DMD: variants seen among roughly 807,000 people sequenced by gnomAD.
DMD encodes the protein dystrophin.
A neutral mutation model predicts 330.1 loss-of-function variants in DMD; 63 were observed. The ratio of observed to expected loss-of-function variants is 0.19; its 90% CI spans 0.16 to 0.24. DMD has a LOEUF of 0.24. Ranked by LOEUF, DMD falls within the 10% of genes least tolerant of loss-of-function variation. DMD has a pLI of 1.00. For synonymous variants in DMD, 1,223 were observed against 959.8 expected, an observed-to-expected ratio of 1.27 and a Z score of -5.07; for missense variants, 3,344 against 2,684.1, an observed-to-expected ratio of 1.25 and a Z score of -5.43.
chrX:31,180,941 T>C (rs72466544), intron 68 of DMD, among the ~76,000 whole-genome samples: 1,849 of 112,221 alleles, frequency 0.016, 14 homozygotes, highest in Middle Eastern at 0.032. Flanking sequence ...ACAAAAGAAA[T>C]GTGAACAAGA....
intron 4 of DMD, among the ~76,000 whole-genome samples, chrX:32,840,911 A>G (rs1189731799): frequency 8.9e-6 from 1 of 111,780 alleles, no homozygotes; most frequent in Admixed American, 9.5e-5. Context: ...TGTAACTTGT[A>G]TGTCTACAAT....
At position 31,259,561 on chromosome X, in the gene DMD, C is replaced by A. The variant is rs189413737; in HGVS notation, c.9286+1394G>T. ...TTATTTAAAATTTTAAACGTTTACACACTTATAACCAGACTGAAATGACAT... is the reference window on the plus strand; with the variant it reads ...TTATTTAAAATTTTAAACGTTTACAAACTTATAACCAGACTGAAATGACAT... On this transcript the variant is annotated intron_variant, in intron 63 of 78. Coordinates refer to ENST00000357033, the MANE Select transcript of DMD (RefSeq NM_004006.3). Among the ~76,000 whole-genome samples, 276 of 112,019 alleles carry A rather than the reference C, an allele frequency of 2.5e-3. 1 individual carries two copies. The highest frequency in any genetic ancestry group is 8.7e-3 in the African/African-American group (267 of 30,852).
chrX:33,112,069 C>T (rs769294697), intron 1 of DMD, among the ~76,000 whole-genome samples: 155 of 110,588 alleles, frequency 1.4e-3, no homozygotes, highest in Non-Finnish European at 2.4e-3. Context: ...ACACAGTAGT[C>T]TGCCTCTTAT....
intron 59 of DMD, among the ~76,000 whole-genome samples, chrX:31,459,713 C>G (rs1302539908): frequency 8.9e-6 from 1 of 111,928 alleles, no homozygotes; most frequent in African/African-American, 3.2e-5. Context: ...GATCCTCCAG[C>G]CTCATTCTGG....
At chrX:32,042,068 T>C (rs1322090772) in intron 44 of DMD, among the ~76,000 whole-genome samples, 2 of 56,889 alleles carry the variant, frequency 3.5e-5, no homozygotes, top group African/African-American at 1.4e-4. Flanking sequence ...TATATATATG[T>C]ACACATATAT....
In DMD at chrX:31,201,328, G is replaced by A. The variant is rs1007832183; in HGVS notation, c.9807+2633C>T. On this transcript the variant is annotated intron_variant, in intron 67 of 78. Coordinates refer to ENST00000357033, the MANE Select transcript of DMD (RefSeq NM_004006.3). ...GTCGAGGCTGCAATGAGCTGTGATC[G>A]TGCCACTGCACTCCAGCCTGGGTGA... Among the ~76,000 whole-genome samples the A allele has an allele frequency of 2.7e-5, 3 of 112,433 alleles. 1 individual carries two copies. Among genetic ancestry groups the A allele is most frequent in the Non-Finnish European group, 5.6e-5 (3 of 53,235 alleles).
chrX:32,108,127 G>C lies in DMD; in HGVS notation c.6438+108789C>G, dbSNP rs34951753. 7.0e-3 allele frequency among the ~76,000 whole-genome samples: 784 copies of C among 111,280 alleles called. 22 individuals carry two copies. The highest frequency in any genetic ancestry group is 0.054 in the Admixed American group (558 of 10,340). ...GAAACAAGAAAATAGTAACTCACGG[G>C]GTGGTCCAAGCAAGATGACAGCCAA... On this transcript the variant is annotated intron_variant, in intron 44 of 78. Coordinates refer to ENST00000357033, the MANE Select transcript of DMD (RefSeq NM_004006.3).
At chrX:31,342,624 TCTGGAACTTG>T in intron 61 of DMD, among the ~76,000 whole-genome samples, 1 of 111,811 alleles carries the variant, frequency 8.9e-6, no homozygotes, top group Middle Eastern at 4.6e-3. Flanking sequence ...TTAAGGGACC[TCTGGAACTTG>T]TAAAATATTA....
chrX:32,637,914 G>T (rs1227499026), intron 11 of DMD, among the ~76,000 whole-genome samples: 1 of 111,922 alleles, frequency 8.9e-6, no homozygotes, highest in Non-Finnish European at 1.9e-5. Context: ...TTATCTTTGT[G>T]AGAAAGCATT....
chrX:32,603,823 C>G (rs1420698665), intron 12 of DMD, among the ~76,000 whole-genome samples: 1 of 111,072 alleles, frequency 9.0e-6, no homozygotes, highest in Non-Finnish European at 1.9e-5. Context: ...AAATCTTGGA[C>G]AGACCAATAA....
At chrX:31,242,852 G>C (rs2048482876) in intron 63 of DMD, among the ~76,000 whole-genome samples, 1 of 110,913 alleles carries the variant, frequency 9.0e-6, no homozygotes, top group African/African-American at 3.3e-5. Flanking sequence ...CTAGCAATAA[G>C]AGAAGATAAA....
chrX:31,704,237 C>T (rs766774520), intron 52 of DMD, among the ~76,000 whole-genome samples: 1 of 111,583 alleles, frequency 9.0e-6, no homozygotes, highest in African/African-American at 3.2e-5. Context: ...AGTACAGCAG[C>T]TCCTTAAATG....
chrX:32,898,923 A>C (rs2085974496), intron 2 of DMD, among the ~76,000 whole-genome samples: 1 of 111,850 alleles, frequency 8.9e-6, no homozygotes, highest in African/African-American at 3.3e-5. Context: ...CCAAATATAC[A>C]TCACTGCCTA....
intron 16 of DMD, among the ~76,000 whole-genome samples, chrX:32,550,364 C>A (rs1471247204): frequency 9.0e-6 from 1 of 111,499 alleles, no homozygotes. Context: ...AAATGGAAAT[C>A]AAACAAACTG....
chrX:32,213,202 A>G (rs1468876941), intron 44 of DMD, among the ~76,000 whole-genome samples: 1 of 112,356 alleles, frequency 8.9e-6, no homozygotes, highest in African/African-American at 3.2e-5. Context: ...TTTTCACAGT[A>G]ACCATTACTG....
In DMD at chrX:31,801,367, CT is replaced by C. The variant is rs2092052747; in HGVS notation, c.7309+18607del. Among the ~76,000 whole-genome samples, 4 of 111,226 alleles carry C rather than the reference CT, an allele frequency of 3.6e-5. No individual in the cohort carries two copies. In the South Asian group the frequency reaches 1.5e-3, roughly 43 times the overall value. ...AAACCCATGATTCAATTACTTCCCC[CT>C]GGGTCCCTCCCACAACACATGGGAA... On this transcript the variant is annotated intron_variant, in intron 50 of 78. Transcript: ENST00000357033.
At chrX:32,369,414 C>G (rs16990266) in intron 34 of DMD, among the ~76,000 whole-genome samples, 2,966 of 111,300 alleles carry the variant, frequency 0.027, 93 homozygotes, top group African/African-American at 0.088. Flanking sequence ...AAGGCATGTT[C>G]GGTTCAGGGT....
At chrX:31,407,629 G>A (rs1201005124) in intron 60 of DMD, among the ~76,000 whole-genome samples, 1 of 95,309 alleles carries the variant, frequency 1.0e-5, no homozygotes, top group African/African-American at 4.3e-5. Flanking sequence ...CCACCACCAC[G>A]CCTGGCTAAT....
chrX:32,122,252 G>C (rs1384828609), intron 44 of DMD, among the ~76,000 whole-genome samples: 2 of 111,941 alleles, frequency 1.8e-5, no homozygotes, highest in Non-Finnish European at 3.8e-5. Context: ...AGCAGCATCA[G>C]TATCACCTGG....
Sources: allele counts gnomAD v4.1 joint callset (sites outside exome capture counted in the v4.1 genomes callset), GRCh38; gene constraint gnomAD v4.1.1; transcripts MANE v1.5; gene names NCBI Gene and HGNC (gene_info 2026-07-23, HGNC 2026-07-21).